The following ATP6V1H variants were observed in gnomAD, a reference collection of about 807,000 sequenced individuals.
ATP6V1H encodes the protein ATPase H+ transporting V1 subunit H.
A neutral mutation model predicts 71.7 loss-of-function variants in ATP6V1H; 39 were observed. The observed-to-expected ratio is 0.54, with a 90% CI of 0.42 to 0.71. The LOEUF (loss-of-function observed/expected upper bound fraction) is 0.71. Ranked by LOEUF, ATP6V1H falls within the 30% of genes least tolerant of loss-of-function variation. The pLI, the probability that ATP6V1H is intolerant of heterozygous loss-of-function variation, is 0.00. For missense variants in ATP6V1H, 509 were observed against 594.9 expected (o/e 0.86, Z 1.50); for synonymous variants, 192 against 199.3 (o/e 0.96, Z 0.31).
At chr8:53,785,133 T>C (rs1182992573) in intron 9 of ATP6V1H, among the ~76,000 whole-genome samples, 2 of 152,148 alleles carry the variant, frequency 1.3e-5, no homozygotes, top group Non-Finnish European at 2.9e-5. Context: ...TGCAGAGTGT[T>C]TTCCAACTTG....
intron 9 of ATP6V1H, among the ~76,000 whole-genome samples, chr8:53,773,270 G>A (rs1808741159): frequency 6.6e-6 from 1 of 152,172 alleles, no homozygotes; most frequent in Admixed American, 6.5e-5. Context: ...ATAATGAATA[G>A]AGTAGCAGCA....
intron 7 of ATP6V1H, 60 bp downstream of exon 7, chr8:53,811,104 G>A: frequency 1.4e-6 from 2 of 1,476,898 alleles, no homozygotes; most frequent in Non-Finnish European, 1.9e-6. Context: ...AATTTTAAGT[G>A]TATATGACTC....
intron 12 of ATP6V1H, among the ~76,000 whole-genome samples, chr8:53,749,633 G>A (rs1807726474): frequency 6.6e-6 from 1 of 152,058 alleles, no homozygotes; most frequent in African/African-American, 2.4e-5. Context: ...AGGGAGAAGA[G>A]CAAAGTGAAT....
chr8:53,731,273 A>C (rs959605995), intron 13 of ATP6V1H, among the ~76,000 whole-genome samples: 1 of 152,174 alleles, frequency 6.6e-6, no homozygotes, highest in Non-Finnish European at 1.5e-5. Context: ...CTTCTGTCAC[A>C]GCTCTCACGA....
chr8:53,810,798 T>A (rs1175079735), intron 7 of ATP6V1H, among the ~76,000 whole-genome samples: 2 of 152,168 alleles, frequency 1.3e-5, no homozygotes, highest in African/African-American at 4.8e-5. Flanking sequence ...GACGCTTTTG[T>A]TCACCTTTTG....
intron 11 of ATP6V1H, among the ~76,000 whole-genome samples, chr8:53,758,664 T>C (rs1191270982): frequency 6.6e-6 from 1 of 152,268 alleles, no homozygotes; most frequent in Non-Finnish European, 1.5e-5. Context: ...AGCTTTGAGC[T>C]TGAACAATCT....
chr8:53,818,749 C>G (rs1319687216), intron 4 of ATP6V1H, among the ~76,000 whole-genome samples: 1 of 151,918 alleles, frequency 6.6e-6, no homozygotes, highest in Non-Finnish European at 1.5e-5. Context: ...TGTGAGGAAA[C>G]ATAAGCAATT....
intron 1 of ATP6V1H, 69 bp from the exon 2 acceptor site, chr8:53,841,794 G>C: frequency 7.2e-7 from 1 of 1,384,284 alleles, no homozygotes; most frequent in Non-Finnish European, 9.8e-7. Context: ...TTAATATTAT[G>C]ATTATGAATA....
At chr8:53,735,509 A>G (rs553217693) in intron 13 of ATP6V1H, among the ~76,000 whole-genome samples, 1 of 152,242 alleles carries the variant, frequency 6.6e-6, no homozygotes, top group Non-Finnish European at 1.5e-5. Context: ...AAATAAAATC[A>G]AGTTTTTGCC....
chr8:53,829,926 C>T (rs936930148), intron 3 of ATP6V1H, among the ~76,000 whole-genome samples: 1 of 152,194 alleles, frequency 6.6e-6, no homozygotes, highest in Admixed American at 6.5e-5. Flanking sequence ...AGATTGGAAT[C>T]AGAAGGCCCT....
intron 13 of ATP6V1H, among the ~76,000 whole-genome samples, chr8:53,741,144 C>T (rs146429573): frequency 6.6e-6 from 1 of 152,304 alleles, no homozygotes; most frequent in African/African-American, 2.4e-5. Flanking sequence ...TACACTTCCT[C>T]TTATAATCAC....
intron 9 of ATP6V1H, among the ~76,000 whole-genome samples, chr8:53,776,270 C>T (rs975515827): frequency 2.0e-5 from 3 of 152,212 alleles, no homozygotes; most frequent in Non-Finnish European, 4.4e-5. Flanking sequence ...AGTTCCCGCT[C>T]GTGCCTCTCC....
At chr8:53,818,603 G>A (rs1190347980) in intron 4 of ATP6V1H, among the ~76,000 whole-genome samples, 1 of 152,132 alleles carries the variant, frequency 6.6e-6, no homozygotes, top group Non-Finnish European at 1.5e-5. Flanking sequence ...TTCATTGGTA[G>A]AGGTATCCAG....
chr8:53,746,696 T>A (rs757020650), intron 12 of ATP6V1H, among the ~76,000 whole-genome samples: 29 of 152,220 alleles, frequency 1.9e-4, no homozygotes, highest in Non-Finnish European at 3.7e-4. Flanking sequence ...TAAACAGACA[T>A]TTCTCATCTT....
At chr8:53,838,828 G>A (rs919029616) in intron 2 of ATP6V1H, among the ~76,000 whole-genome samples, 1 of 152,052 alleles carries the variant, frequency 6.6e-6, no homozygotes, top group Non-Finnish European at 1.5e-5. Context: ...CTCGACACTG[G>A]GGGACGCTTC....
At chr8:53,744,280 G>A (rs936725016) in intron 12 of ATP6V1H, among the ~76,000 whole-genome samples, 1 of 147,434 alleles carries the variant, frequency 6.8e-6, no homozygotes, top group African/African-American at 2.5e-5. Context: ...TCATATCTTC[G>A]AGACCACCGA....
chr8:53,817,574 G>T, intron 4 of ATP6V1H, 44 bp from the exon 5 acceptor site: 1 of 1,292,448 alleles, frequency 7.7e-7, no homozygotes, highest in Non-Finnish European at 1.1e-6. Context: ...AACACATTTT[G>T]CTAAAGAATG....
At chr8:53,773,853 G>A (rs1189744459) in intron 9 of ATP6V1H, among the ~76,000 whole-genome samples, 1 of 152,002 alleles carries the variant, frequency 6.6e-6, no homozygotes, top group Non-Finnish European at 1.5e-5. Flanking sequence ...AGAAATCCTA[G>A]AAGTAAAACT....
intron 9 of ATP6V1H, among the ~76,000 whole-genome samples, chr8:53,794,635 G>A (rs1809672303): frequency 6.6e-6 from 1 of 152,116 alleles, no homozygotes; most frequent in South Asian, 2.1e-4. Context: ...CAAAGTGCTG[G>A]GATTACAGGT....
Sources: allele counts gnomAD v4.1 joint callset (sites outside exome capture counted in the v4.1 genomes callset), GRCh38; gene constraint gnomAD v4.1.1; transcripts MANE v1.5; gene names NCBI Gene and HGNC (gene_info 2026-07-23, HGNC 2026-07-21).